Variants in RGS20 observed in about 807,000 individuals in gnomAD.
The protein encoded by RGS20 is gz-selective GTPase-activating protein.
RGS20 carries 30 observed loss-of-function variants against 33.6 expected under a neutral mutation model. The ratio of observed to expected loss-of-function variants is 0.89; its 90% CI spans 0.67 to 1.21. The LOEUF (loss-of-function observed/expected upper bound fraction) is 1.21, where lower values mean the gene tolerates loss of function less well. Among genes scored for constraint, RGS20 ranks in the 50% most tolerant of loss-of-function variants. The pLI, the probability that RGS20 is intolerant of heterozygous loss-of-function variation, is 0.00. For synonymous variants in RGS20, 208 were observed against 197.9 expected (o/e 1.05, Z -0.43); for missense variants, 472 against 502.4 (o/e 0.94, Z 0.58).
chr8:53,932,273 G>A (rs1057022260), intron 2 of RGS20, among the ~76,000 whole-genome samples: 4 of 152,144 alleles, frequency 2.6e-5, no homozygotes, highest in African/African-American at 9.6e-5. Flanking sequence ...ATGCCAGCGA[G>A]ACAGAACCGT....
intron 2 of RGS20, among the ~76,000 whole-genome samples, chr8:53,884,004 T>C (rs1227386157): frequency 1.3e-5 from 2 of 151,480 alleles, no homozygotes; most frequent in Non-Finnish European, 2.9e-5. Flanking sequence ...AGTAAATTAA[T>C]AACATAGAGC....
Position 53,857,893 on chromosome 8 carries a change from T to A in RGS20, c.165+5829T>A, listed in dbSNP as rs142455061. Among the ~76,000 whole-genome samples, 771 of 152,094 alleles carry A rather than the reference T, an allele frequency of 5.1e-3. 10 individuals carry two copies. Among genetic ancestry groups the A allele is most frequent in the Non-Finnish European group, 4.2e-3 (287 of 67,998 alleles). On this transcript the variant is annotated intron_variant, in intron 1 of 5. Transcript: ENST00000297313. ...TGCAAAAAGCAAATTTTTAACTGTC[T>A]CATCACAAAAAAAAAATAGATGAGA...
intron 2 of RGS20, among the ~76,000 whole-genome samples, chr8:53,884,368 T>A (rs1256585675): frequency 2.0e-5 from 3 of 152,052 alleles, no homozygotes; most frequent in South Asian, 2.1e-4. Flanking sequence ...GCTAATTTTT[T>A]AATTTTTTAT....
intron 2 of RGS20, among the ~76,000 whole-genome samples, chr8:53,901,038 A>G (rs577539798): frequency 6.8e-6 from 1 of 147,658 alleles, no homozygotes; most frequent in South Asian, 2.2e-4. Context: ...CAACAGCAAC[A>G]TGCCCTGGCC....
chr8:53,911,117 A>T (rs1174920461), intron 2 of RGS20, among the ~76,000 whole-genome samples: 1 of 152,238 alleles, frequency 6.6e-6, no homozygotes, highest in Non-Finnish European at 1.5e-5. Flanking sequence ...ATCTAGCAAA[A>T]CTCAGTGGAT....
intron 2 of RGS20, among the ~76,000 whole-genome samples, chr8:53,916,731 A>G (rs1024649688): frequency 6.6e-6 from 1 of 152,184 alleles, no homozygotes; most frequent in Admixed American, 6.5e-5. Flanking sequence ...TCATGTTGCT[A>G]TAACAGAATT....
At chr8:53,854,318 A>G (rs1018540940) in intron 1 of RGS20, among the ~76,000 whole-genome samples, 2 of 152,230 alleles carry the variant, frequency 1.3e-5, no homozygotes, top group Non-Finnish European at 2.9e-5. Context: ...GCAGGAAAAT[A>G]CTTTCACCCC....
chr8:53,882,482 G>T (rs1214248525), intron 2 of RGS20, among the ~76,000 whole-genome samples: 1 of 152,162 alleles, frequency 6.6e-6, no homozygotes, highest in East Asian at 1.9e-4. Flanking sequence ...CACGGGCCAC[G>T]GGCGATGCAC....
chr8:53,945,965 TAAC>T (rs1402706332), intron 3 of RGS20, among the ~76,000 whole-genome samples: 3 of 151,844 alleles, frequency 2.0e-5, no homozygotes, highest in Non-Finnish European at 2.9e-5. Flanking sequence ...CCATTTACGA[TAAC>T]AACAAAAATA....
intron 1 of RGS20, among the ~76,000 whole-genome samples, chr8:53,866,231 A>C (rs1311928506): frequency 6.6e-6 from 1 of 152,170 alleles, no homozygotes; most frequent in South Asian, 2.1e-4. Flanking sequence ...TTTGAGTACC[A>C]AGGAATAGGT....
At chr8:53,945,468 G>T (rs1377017371) in intron 3 of RGS20, 1 of 152,232 alleles carries the variant, frequency 6.6e-6, no homozygotes, top group African/African-American at 2.4e-5. Flanking sequence ...AGCAGTGACT[G>T]CTTACTGGTG....
chr8:53,899,184 C>T (rs1585900260), intron 2 of RGS20, among the ~76,000 whole-genome samples: 1 of 152,180 alleles, frequency 6.6e-6, no homozygotes, highest in South Asian at 2.1e-4. Context: ...CAGCATGCTA[C>T]ATGTGCTATG....
intron 1 of RGS20, among the ~76,000 whole-genome samples, chr8:53,874,365 GGGGT>G (rs1335605372): frequency 1.5e-5 from 2 of 129,586 alleles, no homozygotes; most frequent in Admixed American, 7.5e-5. Context: ...GAAGCAATAA[GGGGT>G]GTGTGTGTGT....
At chr8:53,913,436 C>G (rs1485877051) in intron 2 of RGS20, 1 of 152,144 alleles carries the variant, frequency 6.6e-6, no homozygotes, top group African/African-American at 2.4e-5. Context: ...TTGTGTCCCC[C>G]CAGAATATAT....
At chr8:53,871,811 T>C (rs997076854) in intron 1 of RGS20, among the ~76,000 whole-genome samples, 13 of 152,132 alleles carry the variant, frequency 8.5e-5, no homozygotes, top group African/African-American at 2.7e-4. Context: ...CTTAAATTGA[T>C]TCAGTCTTCT....
intron 2 of RGS20, among the ~76,000 whole-genome samples, chr8:53,894,321 G>T (rs892426662): frequency 2.0e-5 from 3 of 152,142 alleles, no homozygotes; most frequent in Admixed American, 2.0e-4. Flanking sequence ...TCACACCAAG[G>T]GGGAGGGAGA....
At chr8:53,898,541 AT>A (rs1409386506) in intron 2 of RGS20, among the ~76,000 whole-genome samples, 17 of 152,292 alleles carry the variant, frequency 1.1e-4, no homozygotes, top group Middle Eastern at 6.8e-3. Context: ...GTCAATTCAC[AT>A]TTTTTAGGGT....
At chr8:53,867,667 C>T (rs1811951831) in intron 1 of RGS20, among the ~76,000 whole-genome samples, 1 of 145,200 alleles carries the variant, frequency 6.9e-6, no homozygotes, top group Admixed American at 6.9e-5. Context: ...GTCTTCCTTC[C>T]TTCCTTCCTT....
At chr8:53,872,767 A>G (rs578198347) in intron 1 of RGS20, among the ~76,000 whole-genome samples, 4 of 152,216 alleles carry the variant, frequency 2.6e-5, no homozygotes, top group Non-Finnish European at 5.9e-5. Context: ...GAGAGAATAA[A>G]GAGTAATTAA....
Sources: gnomAD v4.1 joint callset for allele counts (sites outside exome capture counted in the v4.1 genomes callset) on GRCh38, gnomAD v4.1.1 for gene constraint, MANE v1.5 for transcripts, NCBI Gene and HGNC (gene_info 2026-07-23, HGNC 2026-07-21) for gene names.